The following EYS variants were observed in gnomAD, a reference collection of about 807,000 sequenced individuals.
The protein encoded by EYS is protein eyes shut homolog.
Under a neutral mutation model 282.1 loss-of-function variants are expected in EYS, and 250 were observed. That is an observed-to-expected ratio of 0.89 (90% confidence interval 0.80 to 0.98). EYS has a LOEUF of 0.98. Among genes scored for constraint, EYS ranks in the 50% least tolerant of loss-of-function variants. The pLI is 0.00. For missense variants in EYS, 4,016 were observed against 3,709.0 expected, an observed-to-expected ratio of 1.08 and a Z score of -2.15; for synonymous variants, 1,355 against 1,282.9, an observed-to-expected ratio of 1.06 and a Z score of -1.20.
intron 14 of EYS, among the ~76,000 whole-genome samples, chr6:64,991,026 G>T (rs1771044158): frequency 6.6e-6 from 1 of 151,008 alleles, no homozygotes; most frequent in Non-Finnish European, 1.5e-5. Flanking sequence ...CAATTGAGGG[G>T]GAACATATTA....
chr6:63,938,992 T>A (rs1381307608), intron 35 of EYS, among the ~76,000 whole-genome samples: 1 of 152,194 alleles, frequency 6.6e-6, no homozygotes, highest in South Asian at 2.1e-4. Context: ...TAAAAGTCAT[T>A]AAACAATTTT....
chr6:64,951,397 GAAAAAT>G (rs1213086014), intron 14 of EYS, among the ~76,000 whole-genome samples: 1 of 151,802 alleles, frequency 6.6e-6, no homozygotes, highest in African/African-American at 2.4e-5. Flanking sequence ...CTGTCTGCCA[GAAAAAT>G]AAAAATAAAA....
intron 41 of EYS, among the ~76,000 whole-genome samples, chr6:63,738,569 A>G (rs980811011): frequency 1.6e-5 from 2 of 122,214 alleles, no homozygotes; most frequent in African/African-American, 6.4e-5. Flanking sequence ...GGGGAACATC[A>G]CACTCTGGGG....
intron 2 of EYS, among the ~76,000 whole-genome samples, chr6:65,528,562 C>T (rs78415188): frequency 3.3e-5 from 5 of 152,160 alleles, no homozygotes; most frequent in African/African-American, 1.2e-4. Flanking sequence ...CTTGCCGTCT[C>T]TCACCCTCTT....
intron 11 of EYS, among the ~76,000 whole-genome samples, chr6:65,332,900 A>G (rs570700431): frequency 5.9e-5 from 9 of 151,330 alleles, no homozygotes; most frequent in African/African-American, 2.2e-4. Flanking sequence ...GAAGTTAACT[A>G]ATTTTTTTAA....
intron 8 of EYS, among the ~76,000 whole-genome samples, chr6:65,374,967 TA>T (rs1765305353): frequency 1.3e-5 from 2 of 152,242 alleles, no homozygotes; most frequent in East Asian, 3.9e-4. Context: ...TCAGTGGACT[TA>T]AGCATTCCTG....
At chr6:65,279,830 A>G (rs1223061846) in intron 12 of EYS, among the ~76,000 whole-genome samples, 1 of 152,178 alleles carries the variant, frequency 6.6e-6, no homozygotes, top group African/African-American at 2.4e-5. Flanking sequence ...TTTTGTAAAA[A>G]GACAACGTGT....
chr6:63,971,590 G>A (rs940114977), intron 35 of EYS, among the ~76,000 whole-genome samples: 5 of 152,074 alleles, frequency 3.3e-5, no homozygotes, highest in South Asian at 2.1e-4. Flanking sequence ...CTCACATTTA[G>A]GTCTAGAACA....
At chr6:65,425,530 G>C (rs1033243077) in intron 5 of EYS, among the ~76,000 whole-genome samples, 1 of 152,036 alleles carries the variant, frequency 6.6e-6, no homozygotes, top group Non-Finnish European at 1.5e-5. Context: ...AGGCTATCTT[G>C]CTTTATAAAA....
At chr6:64,402,225 C>T (rs556565913) in intron 28 of EYS, among the ~76,000 whole-genome samples, 1 of 152,216 alleles carries the variant, frequency 6.6e-6, no homozygotes, top group African/African-American at 2.4e-5. Context: ...AAGTGTGCCA[C>T]TCATTTTTGC....
intron 10 of EYS, among the ~76,000 whole-genome samples, chr6:65,341,447 A>G (rs1770197564): frequency 6.6e-6 from 1 of 151,178 alleles, no homozygotes; most frequent in African/African-American, 2.4e-5. Flanking sequence ...TGCAGTGACC[A>G]CCCTGGGGAA....
At chr6:65,189,064 T>C (rs1322931717) in intron 12 of EYS, among the ~76,000 whole-genome samples, 4 of 151,696 alleles carry the variant, frequency 2.6e-5, no homozygotes, top group Non-Finnish European at 5.9e-5. Context: ...GTTACAGTTT[T>C]AATTTTTTTT....
intron 22 of EYS, among the ~76,000 whole-genome samples, chr6:64,665,087 G>A (rs1000198624): frequency 6.6e-6 from 1 of 152,198 alleles, no homozygotes; most frequent in Non-Finnish European, 1.5e-5. Flanking sequence ...TGATACAACT[G>A]TGATACAAAT....
intron 2 of EYS, among the ~76,000 whole-genome samples, chr6:65,543,669 A>G (rs1014314959): frequency 1.3e-5 from 2 of 152,090 alleles, no homozygotes; most frequent in Non-Finnish European, 2.9e-5. Context: ...TTAAAACCAT[A>G]GTCAGCACTG....
intron 1 of EYS, among the ~76,000 whole-genome samples, chr6:65,669,105 C>A (rs1479568409): frequency 6.6e-6 from 1 of 151,856 alleles, no homozygotes; most frequent in Non-Finnish European, 1.5e-5. Context: ...TTATGAATTT[C>A]TTGGTATATA....
intron 34 of EYS, among the ~76,000 whole-genome samples, chr6:63,998,372 T>C (rs1395779132): frequency 6.6e-6 from 1 of 152,212 alleles, no homozygotes; most frequent in East Asian, 1.9e-4. Context: ...AGAGACTATA[T>C]AGAAGAAATG....
At chr6:64,686,787 A>ATATATGTGTGTGTATATATATATG (rs1263403462) in intron 22 of EYS, among the ~76,000 whole-genome samples, 7 of 12,978 alleles carry the variant, frequency 5.4e-4, no homozygotes, top group Admixed American at 1.2e-3. Context: ...ATATATATAT[A>ATATATGTGTGTGTATATATATATG]TGTGTGTATA....
chr6:65,092,986 C>T (rs73765759), intron 12 of EYS, among the ~76,000 whole-genome samples: 104 of 152,216 alleles, frequency 6.8e-4, no homozygotes, highest in Middle Eastern at 3.4e-3. Flanking sequence ...CCCCCTAATA[C>T]ATTGATGCAT....
At chr6:64,621,280 T>C (rs1767438846) in intron 23 of EYS, among the ~76,000 whole-genome samples, 1 of 152,228 alleles carries the variant, frequency 6.6e-6, no homozygotes, top group Admixed American at 6.5e-5. Context: ...TAAATGTCAC[T>C]ACTTCTAAGA....
Sources: allele counts gnomAD v4.1 joint callset (sites outside exome capture counted in the v4.1 genomes callset), GRCh38; gene constraint gnomAD v4.1.1; transcripts MANE v1.5; gene names NCBI Gene and HGNC (gene_info 2026-07-23, HGNC 2026-07-21).